Variants in DOCK3 observed in about 807,000 individuals in gnomAD.
The protein encoded by DOCK3 is dedicator of cytokinesis protein 3.
A neutral mutation model predicts 265.6 loss-of-function variants in DOCK3; 60 were observed. The observed-to-expected ratio is 0.23, with a 90% confidence interval of 0.18 to 0.28. The LOEUF (loss-of-function observed/expected upper bound fraction) is 0.28, where lower values mean the gene tolerates loss of function less well. DOCK3 is among the 10% of genes least tolerant of loss of function. The pLI, the probability that DOCK3 is intolerant of heterozygous loss-of-function variation, is 1.00. For synonymous variants in DOCK3, 881 were observed against 938.0 expected (o/e 0.94, Z 1.11); for missense variants, 1,981 against 2,594.3 (o/e 0.76, Z 5.14).
chr3:51,345,165 T>G (rs1401842835), intron 38 of DOCK3, among the ~76,000 whole-genome samples: 3 of 152,172 alleles, frequency 2.0e-5, no homozygotes, highest in African/African-American at 7.2e-5. Flanking sequence ...AGGTAGACCC[T>G]GTTGTGGGTC....
intron 12 of DOCK3, among the ~76,000 whole-genome samples, chr3:51,198,369 A>G (rs928881936): frequency 6.6e-6 from 1 of 152,174 alleles, no homozygotes; most frequent in Admixed American, 6.5e-5. Flanking sequence ...GTGAAGTGAC[A>G]AAACCCAGCA....
chr3:51,060,498 G>A (rs1275923913), intron 5 of DOCK3, among the ~76,000 whole-genome samples: 2 of 152,106 alleles, frequency 1.3e-5, no homozygotes, highest in Non-Finnish European at 2.9e-5. Context: ...GTACTGCCTA[G>A]GCTTTCTTCT....
At position 51,374,436 on chromosome 3, in the gene DOCK3, C is replaced by A; in HGVS notation, c.5294-33C>A. The A allele has an allele frequency of 6.3e-7, 1 of 1,589,966 alleles. No homozygotes were observed. The highest frequency in any genetic ancestry group is 1.1e-5 in the South Asian group (1 of 87,860). Reference sequence around the variant, plus strand: ...GCTGGACCCTCCATCTGTGGCTTGTCATCTGTGCTTGATTGTTCTCACTTG... The same window carrying A: ...GCTGGACCCTCCATCTGTGGCTTGTAATCTGTGCTTGATTGTTCTCACTTG... On this transcript the variant is annotated intron_variant, in intron 49 of 52. Transcript: ENST00000266037. The surrounding 1 kb of genome is among the most constrained non-coding windows in gnomAD (Gnocchi z 4.8).
At chr3:50,809,225 T>C (rs2043598114) in intron 2 of DOCK3, among the ~76,000 whole-genome samples, 1 of 152,060 alleles carries the variant, frequency 6.6e-6, no homozygotes, top group Non-Finnish European at 1.5e-5. Flanking sequence ...TGATTACAAG[T>C]CAAAAATTAA....
At chr3:51,157,743 G>A (rs1383024336) in intron 10 of DOCK3, among the ~76,000 whole-genome samples, 3 of 151,704 alleles carry the variant, frequency 2.0e-5, no homozygotes, top group Non-Finnish European at 1.5e-5. Context: ...AAGAAACATG[G>A]AGACTCTGAA....
At chr3:51,355,785 G>GCATT (rs1560493655) in intron 41 of DOCK3, among the ~76,000 whole-genome samples, 1 of 152,230 alleles carries the variant, frequency 6.6e-6, no homozygotes, top group Non-Finnish European at 1.5e-5. Flanking sequence ...GTGGATGCCT[G>GCATT]CATTCCCCTC....
At chr3:50,718,096 C>T (rs1350839694) in intron 1 of DOCK3, among the ~76,000 whole-genome samples, 3 of 152,138 alleles carry the variant, frequency 2.0e-5, no homozygotes, top group African/African-American at 7.2e-5. Flanking sequence ...CTCTCACCTT[C>T]TTTCCTTTTC....
intron 6 of DOCK3, among the ~76,000 whole-genome samples, chr3:51,067,427 T>TTGTGTGTGTGTG (rs60551624): frequency 0.073 from 10,489 of 144,068 alleles, 874 homozygotes; most frequent in East Asian, 0.33. Flanking sequence ...TGAAATATGT[T>TTGTGTGTGTGTG]TGTGTGTGTG....
chr3:50,710,204 G>T (rs571389185), intron 1 of DOCK3, among the ~76,000 whole-genome samples: 1 of 152,210 alleles, frequency 6.6e-6, no homozygotes, highest in South Asian at 2.1e-4. Flanking sequence ...TACAGCAAAA[G>T]AAATAATCAG....
At chr3:50,937,043 G>A (rs957967564) in intron 5 of DOCK3, among the ~76,000 whole-genome samples, 3 of 152,016 alleles carry the variant, frequency 2.0e-5, no homozygotes, top group African/African-American at 7.3e-5. Context: ...TTGGGAGGCC[G>A]AGGTGGGTAG....
intron 21 of DOCK3, 54 bp downstream of exon 21, chr3:51,237,644 C>A: frequency 6.6e-7 from 1 of 1,504,772 alleles, no homozygotes. Flanking sequence ...GAAATATAGG[C>A]TTTAAAAAAG....
chr3:50,753,353 T>G (rs1385668837), intron 1 of DOCK3, among the ~76,000 whole-genome samples: 1 of 151,842 alleles, frequency 6.6e-6, no homozygotes, highest in Non-Finnish European at 1.5e-5. Flanking sequence ...GAATTTTTCT[T>G]TTTTTTTGAG....
chr3:51,109,706 G>T (rs2109822320), intron 9 of DOCK3, among the ~76,000 whole-genome samples: 1 of 152,160 alleles, frequency 6.6e-6, no homozygotes, highest in South Asian at 2.1e-4. Context: ...AGAGGTCCAG[G>T]TGGACCACTG....
rs544186570 is a variant in DOCK3, at chr3:50,741,752, T to A, written c.38-36923T>A. On this transcript the variant is annotated intron_variant, in intron 1 of 52. Transcript: ENST00000266037. ...ATAAACATACGTGTGCGTGTGTCTT[T>A]ATAGCAGCATGATTTATAGTCCTTT... Among the ~76,000 whole-genome samples the A allele has an allele frequency of 4.6e-5, 7 of 152,184 alleles. No homozygotes were observed. The South Asian group carries it at 1.5e-3, about 32-fold the overall frequency.
chr3:50,936,361 A>G (rs539784026), intron 5 of DOCK3, among the ~76,000 whole-genome samples: 1 of 151,768 alleles, frequency 6.6e-6, no homozygotes, highest in Admixed American at 6.6e-5. Context: ...TAGAGAGGAC[A>G]GGATGTGGAG....
chr3:51,216,025 T>A (rs2089766116), intron 14 of DOCK3, among the ~76,000 whole-genome samples: 1 of 152,100 alleles, frequency 6.6e-6, no homozygotes, highest in Non-Finnish European at 1.5e-5. Flanking sequence ...AATAAATAGT[T>A]ACCAAAATTG....
chr3:51,291,935 G>A (rs2081801993), intron 27 of DOCK3, among the ~76,000 whole-genome samples: 1 of 152,082 alleles, frequency 6.6e-6, no homozygotes, highest in South Asian at 2.1e-4. Context: ...ATACAAGGTT[G>A]GTTCAACATA....
rs565495331 is a variant in DOCK3, at chr3:50,765,059, G to T, written c.38-13616G>T. On this transcript the variant is annotated intron_variant, in intron 1 of 52. Transcript: ENST00000266037. ...TTATGGGCTTATTTGTTTTGAAGCT[G>T]CCACTTTCTTAGGTTTTTTTTTTTT... is the stretch of plus-strand genomic sequence containing the variant. Among the ~76,000 whole-genome samples, 9 of 137,084 alleles carry T rather than the reference G, an allele frequency of 6.6e-5. No individual in the cohort carries two copies. The South Asian group carries it at 1.9e-3, about 29-fold the overall frequency. 89.9% of individuals were successfully genotyped at this position (137,084 alleles called of 152,430 possible).
intron 9 of DOCK3, among the ~76,000 whole-genome samples, chr3:51,117,517 T>G (rs1241360136): frequency 3.9e-5 from 6 of 152,236 alleles, no homozygotes; most frequent in African/African-American, 1.4e-4. Context: ...TCATGTTGTT[T>G]GGAATAAGTT....
Sources: gnomAD v4.1 joint callset for allele counts (sites outside exome capture counted in the v4.1 genomes callset) on GRCh38, gnomAD v4.1.1 for gene constraint, Gnocchi (gnomAD v3.1) non-coding constraint, MANE v1.5 for transcripts, NCBI Gene and HGNC (gene_info 2026-07-23, HGNC 2026-07-21) for gene names.